Variants in PDGFD observed in about 807,000 individuals in gnomAD.
PDGFD encodes platelet-derived growth factor D.
PDGFD carries 30 observed loss-of-function variants against 44.7 expected under a neutral mutation model. That is an observed-to-expected ratio of 0.67 (90% CI 0.50 to 0.91). The LOEUF is 0.91. Ranked by LOEUF, PDGFD falls within the 40% of genes least tolerant of loss-of-function variation. The pLI is 0.00. For synonymous variants in PDGFD, 173 were observed against 168.4 expected (o/e 1.03, Z -0.21); for missense variants, 445 against 457.8 (o/e 0.97, Z 0.25).
intron 3 of PDGFD, among the ~76,000 whole-genome samples, chr11:103,976,284 C>A (rs113853224): frequency 1.8e-4 from 28 of 151,884 alleles, no homozygotes; most frequent in African/African-American, 6.8e-4. Context: ...ATTTTTTTCT[C>A]TTTGTAGCGA....
chr11:103,999,572 G>A (rs732452), intron 2 of PDGFD, among the ~76,000 whole-genome samples: 3 of 151,990 alleles, frequency 2.0e-5, no homozygotes, highest in Non-Finnish European at 2.9e-5. Flanking sequence ...CTATGAATTC[G>A]GGGTCAGGCC....
At chr11:103,935,033 C>A (rs1446634493) in intron 5 of PDGFD, among the ~76,000 whole-genome samples, 1 of 152,156 alleles carries the variant, frequency 6.6e-6, no homozygotes, top group Admixed American at 6.5e-5. Flanking sequence ...ATTAGCACAG[C>A]AAACACAAGG....
intron 3 of PDGFD, among the ~76,000 whole-genome samples, chr11:103,979,825 CA>C (rs1181317914): frequency 6.6e-6 from 1 of 152,008 alleles, no homozygotes; most frequent in African/African-American, 2.4e-5. Flanking sequence ...AGCATATATA[CA>C]TTTTTTTGTT....
chr11:104,147,118 A>G (rs1428356724), intron 1 of PDGFD, among the ~76,000 whole-genome samples: 1 of 152,180 alleles, frequency 6.6e-6, no homozygotes, highest in East Asian at 1.9e-4. Flanking sequence ...CTTGACACAT[A>G]TAAGGTTGTT....
chr11:104,000,979 C>T (rs185481380), intron 1 of PDGFD, among the ~76,000 whole-genome samples: 11 of 152,196 alleles, frequency 7.2e-5, no homozygotes, highest in Admixed American at 3.3e-4. Context: ...ATATGGCCCC[C>T]GGGACCACGT....
intron 1 of PDGFD, among the ~76,000 whole-genome samples, chr11:104,065,088 C>T (rs1296881270): frequency 6.6e-6 from 1 of 152,132 alleles, no homozygotes. Context: ...ACTGGCTTAG[C>T]CTCCAAGCCT....
At position 104,069,248 on chromosome 11, in the gene PDGFD, G is replaced by A. The variant is rs903162062; in HGVS notation, c.125-68993C>T. 7.9e-5 allele frequency among the ~76,000 whole-genome samples: 12 copies of A among 152,262 alleles called. No individual in the cohort carries two copies. The East Asian group carries it at 1.5e-3, about 20-fold the overall frequency. ...AATCATCAATTTAGGTTTGTCTGAT[G>A]TTTCTTCATAATTAGATTCAGTATG... is the stretch of plus-strand genomic sequence containing the variant. On this transcript the variant is annotated intron_variant, in intron 1 of 6. Transcript: ENST00000393158.
At position 104,028,505 on chromosome 11, in the gene PDGFD, T is replaced by G. The variant is rs373915085; in HGVS notation, c.125-28250A>C. Among the ~76,000 whole-genome samples, 38 of 151,672 alleles carry G rather than the reference T, an allele frequency of 2.5e-4. 1 individual carries two copies. The highest frequency in any genetic ancestry group is 8.0e-4 in the African/African-American group (33 of 41,320). On this transcript the variant is annotated intron_variant, in intron 1 of 6. Coordinates refer to ENST00000393158, the MANE Select transcript of PDGFD (RefSeq NM_025208.5). Reference sequence around the variant, plus strand: ...ATGATCCTGTTTGCTTTAAATTTTCTATGAAGAAATGGTCTCAGAGCCCAA... The same window carrying G: ...ATGATCCTGTTTGCTTTAAATTTTCGATGAAGAAATGGTCTCAGAGCCCAA...
intron 1 of PDGFD, chr11:104,036,467 T>G (rs1860234734): frequency 8.3e-6 from 2 of 240,954 alleles, no homozygotes; most frequent in Non-Finnish European, 8.2e-6. Context: ...TTGAAATCAT[T>G]TCTTTCATAT....
At chr11:103,925,785 A>AT (rs1371762510) in intron 6 of PDGFD, among the ~76,000 whole-genome samples, 1 of 148,436 alleles carries the variant, frequency 6.7e-6, no homozygotes, top group Non-Finnish European at 1.5e-5. Context: ...CTGGAGTGCA[A>AT]TGGCGCGATC....
Position 104,023,127 on chromosome 11 carries a change from A to G in PDGFD, c.125-22872T>C, listed in dbSNP as rs577475645. Among the ~76,000 whole-genome samples the G allele has an allele frequency of 2.8e-4, 43 of 152,270 alleles. 1 individual carries two copies. The highest frequency in any genetic ancestry group is 9.1e-4 in the African/African-American group (38 of 41,580). ...AATGTTCCACTTTTTATAGCTTTGTATATAATTAAAAATCTGCTATAACTA... is the reference window on the plus strand; with the variant it reads ...AATGTTCCACTTTTTATAGCTTTGTGTATAATTAAAAATCTGCTATAACTA... On this transcript the variant is annotated intron_variant, in intron 1 of 6. Transcript: ENST00000393158.
chr11:104,164,098 G>C lies in PDGFD; in HGVS notation c.-171C>G, dbSNP rs964815491. 3 of 583,632 alleles carry C rather than the reference G, an allele frequency of 5.1e-6. No individual in the cohort carries two copies. The highest frequency in any genetic ancestry group is 5.5e-6 in the Non-Finnish European group (2 of 360,752). The allele number at this position is 583,632 out of a possible 1,614,324, so 36.2% of individuals were successfully genotyped here. A position where few individuals can be genotyped will look rare whatever the true frequency, so the allele number is the denominator to read the frequency against. ...AAACTTCCTGCATGCTGAACTTTCCGAGCGCGTGTGGGTGCCGCACTTCCT... is the reference window on the plus strand; with the variant it reads ...AAACTTCCTGCATGCTGAACTTTCCCAGCGCGTGTGGGTGCCGCACTTCCT... On this transcript the variant is annotated 5_prime_UTR_variant, in exon 1 of 7. Coordinates refer to ENST00000393158, the MANE Select transcript of PDGFD (RefSeq NM_025208.5).
At chr11:103,965,575 C>A (rs1275201756) in intron 3 of PDGFD, among the ~76,000 whole-genome samples, 1 of 152,128 alleles carries the variant, frequency 6.6e-6, no homozygotes, top group Non-Finnish European at 1.5e-5. Context: ...AGAAAGAATA[C>A]AATTGATATT....
chr11:104,111,694 G>A (rs899205246), intron 1 of PDGFD, among the ~76,000 whole-genome samples: 8 of 152,218 alleles, frequency 5.3e-5, no homozygotes, highest in Admixed American at 6.6e-5. Flanking sequence ...ACAAGGAAGA[G>A]GCAAATTTTA....
In PDGFD at chr11:104,102,656, C is replaced by T. The variant is rs185440744; in HGVS notation, c.124+61148G>A. 5.0e-3 allele frequency among the ~76,000 whole-genome samples: 765 copies of T among 152,170 alleles called. 11 individuals carry two copies. Among genetic ancestry groups the T allele is most frequent in the African/African-American group, 0.017 (702 of 41,512 alleles). ...ATGTTTATTGCAGCACTATTCACAA[C>T]AGCAAAGACTTGGAACCAACCCAAA... On this transcript the variant is annotated intron_variant, in intron 1 of 6. Coordinates refer to ENST00000393158, the MANE Select transcript of PDGFD (RefSeq NM_025208.5).
intron 1 of PDGFD, among the ~76,000 whole-genome samples, chr11:104,040,837 G>A (rs148608110): frequency 0.013 from 1,961 of 151,602 alleles, 28 homozygotes; most frequent in Non-Finnish European, 0.017. Flanking sequence ...AAACAAAAAG[G>A]ATTCTTGAAA....
chr11:104,111,099 C>T (rs1041543165), intron 1 of PDGFD, among the ~76,000 whole-genome samples: 11 of 151,822 alleles, frequency 7.2e-5, no homozygotes, highest in Non-Finnish European at 1.6e-4. Flanking sequence ...AACAATAACA[C>T]TGATTATAAC....
At chr11:103,958,721 C>G (rs1245689737) in intron 3 of PDGFD, among the ~76,000 whole-genome samples, 1 of 152,150 alleles carries the variant, frequency 6.6e-6, no homozygotes, top group African/African-American at 2.4e-5. Context: ...GAAATTCACA[C>G]TCCCAATAAC....
intron 3 of PDGFD, among the ~76,000 whole-genome samples, chr11:103,957,719 C>T (rs184529502): frequency 4.6e-5 from 7 of 152,030 alleles, no homozygotes; most frequent in Non-Finnish European, 7.4e-5. Context: ...GTCCAGCAAG[C>T]TGAGAAGAGA....
Sources: allele counts gnomAD v4.1 joint callset (sites outside exome capture counted in the v4.1 genomes callset), GRCh38; gene constraint gnomAD v4.1.1; transcripts MANE v1.5; gene names NCBI Gene and HGNC (gene_info 2026-07-23, HGNC 2026-07-21).